Variants in PTPRO observed in about 807,000 individuals in gnomAD.
PTPRO encodes protein tyrosine phosphatase receptor type O.
PTPRO carries 62 observed loss-of-function variants against 145.2 expected under a neutral mutation model. That is an observed-to-expected ratio of 0.43 (90% CI 0.35 to 0.53). PTPRO has a LOEUF of 0.53. Ranked by LOEUF, PTPRO falls within the 20% of genes least tolerant of loss-of-function variation. The pLI is 0.01. For missense variants in PTPRO, 1,345 were observed against 1,482.7 expected, an observed-to-expected ratio of 0.91 and a Z score of 1.53; for synonymous variants, 565 against 514.7, an observed-to-expected ratio of 1.10 and a Z score of -1.32.
rs755300363 is a variant in PTPRO, at chr12:15,580,830, G to T, written c.3131G>T (p.Arg1044Met). ...CTCACTCAGTGTAATGAGAAAAGGA[G>T]GGTACGTACTTACTGAAACTGCTCC... ...VMLTQCNEKR[R>M]VKCDHYWPFT... Residue 1044 changes from arginine to methionine, a missense_variant and splice_region_variant, in exon 22 of 27, where the codon AGG becomes ATG. Physicochemically the swap from Arg to Met is moderately conservative, Grantham distance 91. Around this residue, in one of 3 missense-constraint regions of PTPRO, gnomAD observed 208 missense variants for 242.8 expected, o/e 0.86. Transcript: ENST00000281171. 21 of 1,613,720 alleles carry T rather than the reference G, an allele frequency of 1.3e-5. No individual in the cohort carries two copies. The highest frequency in any genetic ancestry group is 1.8e-5 in the Non-Finnish European group (21 of 1,179,826).
intron 25 of PTPRO, 102 bp downstream of exon 25, chr12:15,589,692 A>G: frequency 7.0e-7 from 1 of 1,419,200 alleles, no homozygotes; most frequent in Non-Finnish European, 9.8e-7. Context: ...ACTTCTTTGT[A>G]TCTTTCTTTC....
chr12:15,424,698 G>A (rs1453550387), intron 1 of PTPRO, among the ~76,000 whole-genome samples: 8 of 151,970 alleles, frequency 5.3e-5, no homozygotes, highest in Admixed American at 5.3e-4. Flanking sequence ...AAACATCTGA[G>A]CTGAGTCTTA....
chr12:15,579,033 A>AT lies in PTPRO; in HGVS notation c.2920+91dup, dbSNP rs1944250583. ...TAATCAATTTCACCAATCTCTGGCC[A>AT]TACCCACTTGTGGTCCGGATCTCAA... On this transcript the variant is annotated intron_variant, in intron 20 of 26. Coordinates refer to ENST00000281171, the MANE Select transcript of PTPRO (RefSeq NM_030667.3). 6.7e-6 allele frequency: 8 copies of AT among 1,192,578 alleles called. No individual in the cohort carries two copies. In the Admixed American group the frequency reaches 1.2e-4, roughly 19 times the overall value. The allele number at this position is 1,192,578 out of a possible 1,614,324, so 73.9% of individuals were successfully genotyped here.
At chr12:15,549,590 T>G (rs1943399187) in intron 14 of PTPRO, among the ~76,000 whole-genome samples, 1 of 152,226 alleles carries the variant, frequency 6.6e-6, no homozygotes, top group South Asian at 2.1e-4. Flanking sequence ...AGCCTTGGTC[T>G]TCATCTGTCA....
intron 12 of PTPRO, among the ~76,000 whole-genome samples, chr12:15,526,944 G>T (rs1942852123): frequency 6.6e-6 from 1 of 152,002 alleles, no homozygotes; most frequent in Admixed American, 6.6e-5. Flanking sequence ...ATAGATACAG[G>T]TAGATACTAG....
chr12:15,473,641 C>A (rs929033201), intron 1 of PTPRO, among the ~76,000 whole-genome samples: 3 of 151,840 alleles, frequency 2.0e-5, no homozygotes, highest in Non-Finnish European at 4.4e-5. Flanking sequence ...GTGGTGGGCA[C>A]CTGTAATCCC....
intron 1 of PTPRO, among the ~76,000 whole-genome samples, chr12:15,417,879 T>C (rs1940026588): frequency 1.3e-5 from 2 of 151,748 alleles, no homozygotes; most frequent in Admixed American, 6.5e-5. Context: ...TCTGAGTCTT[T>C]ACAGATGATA....
chr12:15,596,262 A>G lies in PTPRO; in HGVS notation c.*189A>G, dbSNP rs1397953016. The stretch of plus-strand genomic sequence containing the variant: ...TAAAGAGCCTACAGTGTCCTTTTGG[A>G]CTCTTTCACTTCGGGACATTTAATA... On this transcript the variant is annotated 3_prime_UTR_variant, in exon 27 of 27. Transcript: ENST00000281171. The G allele has an allele frequency of 1.3e-5, 2 of 152,384 alleles. No individual in the cohort carries two copies. Among genetic ancestry groups the G allele is most frequent in the Non-Finnish European group, 1.5e-5 (1 of 68,006 alleles). The allele number at this position is 152,384 out of a possible 1,614,324, so 9.4% of individuals were successfully genotyped here.
intron 19 of PTPRO, among the ~76,000 whole-genome samples, chr12:15,571,262 A>G (rs191661574): frequency 6.6e-6 from 1 of 152,062 alleles, no homozygotes; most frequent in African/African-American, 2.4e-5. Flanking sequence ...GAAACAACAA[A>G]CAACCTCTTT....
chr12:15,471,965 G>T (rs761541571), intron 1 of PTPRO, among the ~76,000 whole-genome samples: 31 of 152,148 alleles, frequency 2.0e-4, no homozygotes, highest in African/African-American at 2.7e-4. Flanking sequence ...AGGTGGAAAA[G>T]GTACCCTGGT....
chr12:15,491,351 G>A (rs913670295), intron 2 of PTPRO, among the ~76,000 whole-genome samples: 8 of 152,204 alleles, frequency 5.3e-5, no homozygotes, highest in African/African-American at 1.9e-4. Flanking sequence ...AAGCAACTCA[G>A]CAGTTAGCAT....
chr12:15,502,151 A>T, intron 5 of PTPRO, 88 bp downstream of exon 5: 1 of 1,276,250 alleles, frequency 7.8e-7, no homozygotes, highest in South Asian at 1.3e-5. Flanking sequence ...AGAAAGACTG[A>T]TCATAGACAG....
At chr12:15,459,089 G>A (rs1275981686) in intron 1 of PTPRO, among the ~76,000 whole-genome samples, 1 of 152,136 alleles carries the variant, frequency 6.6e-6, no homozygotes, top group African/African-American at 2.4e-5. Context: ...AGAATATGCT[G>A]GGACTCATCT....
chr12:15,534,469 G>T (rs138132574), intron 12 of PTPRO, among the ~76,000 whole-genome samples: 3 of 152,086 alleles, frequency 2.0e-5, no homozygotes, highest in Non-Finnish European at 1.5e-5. Flanking sequence ...AACCCAGAGC[G>T]CTACTTTCAC....
At chr12:15,555,568 T>C (rs1943599660) in intron 15 of PTPRO, among the ~76,000 whole-genome samples, 1 of 152,134 alleles carries the variant, frequency 6.6e-6, no homozygotes, top group Non-Finnish European at 1.5e-5. Flanking sequence ...ATAGGAAGTG[T>C]GCAGTAAATG....
At chr12:15,475,284 A>G (rs1941629790) in intron 1 of PTPRO, among the ~76,000 whole-genome samples, 1 of 152,216 alleles carries the variant, frequency 6.6e-6, no homozygotes, top group African/African-American at 2.4e-5. Flanking sequence ...TTAGTGAATC[A>G]TCTGCTATAA....
At chr12:15,556,417 T>C (rs1034135694) in intron 15 of PTPRO, among the ~76,000 whole-genome samples, 5 of 151,438 alleles carry the variant, frequency 3.3e-5, no homozygotes. Context: ...AAAAATGAGA[T>C]ACATGAGCCC....
At chr12:15,417,405 A>G (rs1940011820) in intron 1 of PTPRO, among the ~76,000 whole-genome samples, 2 of 151,806 alleles carry the variant, frequency 1.3e-5, no homozygotes, top group African/African-American at 4.9e-5. Flanking sequence ...GCTTGAAAAC[A>G]ATAATTGGAT....
At chr12:15,554,647 CTTTTCACAT>C (rs935807098) in intron 15 of PTPRO, among the ~76,000 whole-genome samples, 4 of 152,166 alleles carry the variant, frequency 2.6e-5, no homozygotes, top group South Asian at 2.1e-4. Flanking sequence ...CCAGTCTCTC[CTTTTCACAT>C]TTTTCTGCCT....
Sources: allele counts gnomAD v4.1 joint callset (sites outside exome capture counted in the v4.1 genomes callset), GRCh38; gene constraint gnomAD v4.1.1; regional missense constraint gnomAD v4.1.1; transcripts MANE v1.5; gene names NCBI Gene and HGNC (gene_info 2026-07-23, HGNC 2026-07-21).